The following AATF variants were observed in gnomAD, a reference collection of about 807,000 sequenced individuals.
AATF encodes protein AATF.
In AATF, 48 loss-of-function variants were observed where a neutral mutation model predicts 63.7. The ratio of observed to expected loss-of-function variants is 0.75; its 90% CI spans 0.60 to 0.96. The LOEUF is 0.96. Ranked by LOEUF, AATF falls within the 40% of genes least tolerant of loss-of-function variation. AATF has a pLI of 0.00. For synonymous variants in AATF, 258 were observed against 247.7 expected (o/e 1.04, Z -0.39); for missense variants, 639 against 685.7 (o/e 0.93, Z 0.76).
intron 8 of AATF, among the ~76,000 whole-genome samples, chr17:37,003,595 T>TAGCTGGAA (rs2071318963): frequency 6.7e-6 from 1 of 149,734 alleles, no homozygotes; most frequent in South Asian, 2.1e-4. Flanking sequence ...GCCTCCCAAG[T>TAGCTGGAA]AGCTGGAACT....
intron 4 of AATF, among the ~76,000 whole-genome samples, chr17:36,972,970 A>C (rs1260863790): frequency 1.3e-5 from 2 of 152,064 alleles, no homozygotes; most frequent in East Asian, 3.9e-4. Flanking sequence ...TTTGTTCCTG[A>C]TTTGCACATT....
intron 8 of AATF, among the ~76,000 whole-genome samples, chr17:37,013,398 AG>A (rs2071406112): frequency 6.6e-6 from 1 of 152,198 alleles, no homozygotes; most frequent in African/African-American, 2.4e-5. Flanking sequence ...GTAATTTTTG[AG>A]GAAGAAAGGT....
chr17:36,980,641 A>G (rs1293529756), intron 4 of AATF, among the ~76,000 whole-genome samples: 3 of 151,698 alleles, frequency 2.0e-5, no homozygotes, highest in South Asian at 4.2e-4. Flanking sequence ...AAATGTGTTT[A>G]TTTGTTTGTT....
chr17:37,001,617 A>G (rs1474130860), intron 8 of AATF, among the ~76,000 whole-genome samples: 1 of 152,214 alleles, frequency 6.6e-6, no homozygotes, highest in Non-Finnish European at 1.5e-5. Context: ...AGAGACAGCA[A>G]AAGCCTTTAA....
At chr17:36,949,366 C>A (rs767148880) in intron 1 of AATF, 150 bp downstream of exon 1, 50 of 716,754 alleles carry the variant, frequency 7.0e-5, no homozygotes, top group Non-Finnish European at 1.0e-4. Flanking sequence ...AGGGTGGTCC[C>A]GGCCTCGGGA....
rs2070844629 is a variant in AATF at position 36,950,350 on chromosome 17, C to T, written c.228C>T (p.Thr76=). 6.2e-7 allele frequency: 1 copy of T among 1,614,078 alleles called. No individual in the cohort carries two copies. Among genetic ancestry groups the T allele is most frequent in the Non-Finnish European group, 8.5e-7 (1 of 1,180,034 alleles). ...DTDKRYCGKT[T]SRKAWNEDHW... The stretch of plus-strand genomic sequence containing the variant: ...ACAAAAGGTATTGCGGCAAAACCAC[C>T]TCTAGAAAAGCATGGAATGAAGACC... Residue 76 remains threonine, a synonymous_variant, in exon 2 of 12, where the codon ACC becomes ACT. Coordinates refer to ENST00000619387, the MANE Select transcript of AATF (RefSeq NM_012138.4).
intron 11 of AATF, among the ~76,000 whole-genome samples, chr17:37,041,662 C>T (rs1028933088): frequency 2.6e-5 from 4 of 152,130 alleles, no homozygotes; most frequent in Admixed American, 1.3e-4. Context: ...TGTCCTATTA[C>T]ACCCGGCTAA....
Position 36,949,112 on chromosome 17 carries a change from G to A in AATF, c.-14G>A. On this transcript the variant is annotated 5_prime_UTR_variant, in exon 1 of 12. Coordinates refer to ENST00000619387, the MANE Select transcript of AATF (RefSeq NM_012138.4). Reference sequence around the variant, plus strand: ...TTACGTGCGCGAAGCGGAGTGGACCGGGAGCTGGTGACGATGGCGGGGCCG... The same window carrying A: ...TTACGTGCGCGAAGCGGAGTGGACCAGGAGCTGGTGACGATGGCGGGGCCG... 1 of 1,567,410 alleles carries A rather than the reference G, an allele frequency of 6.4e-7. No homozygotes were observed. Among genetic ancestry groups the A allele is most frequent in the Non-Finnish European group, 8.6e-7 (1 of 1,156,106 alleles).
intron 4 of AATF, among the ~76,000 whole-genome samples, chr17:36,959,424 C>G (rs1253020808): frequency 4.6e-5 from 7 of 152,214 alleles, no homozygotes; most frequent in Non-Finnish European, 7.3e-5. Context: ...GCCTGGGTGA[C>G]AGAGCGAGAG....
chr17:37,034,917 A>C (rs1371602901), intron 11 of AATF: 1 of 151,866 alleles, frequency 6.6e-6, no homozygotes, highest in Non-Finnish European at 1.5e-5. Flanking sequence ...CGAGGTCAGG[A>C]GATCAAGACC....
chr17:37,048,226 C>T (rs1472450222), intron 11 of AATF, among the ~76,000 whole-genome samples: 2 of 152,040 alleles, frequency 1.3e-5, no homozygotes, highest in African/African-American at 4.8e-5. Context: ...TGGCCGTATT[C>T]AGAAATCCTA....
At position 36,950,322 on chromosome 17, in the gene AATF, CG is replaced by C. The variant is rs2142197535; in HGVS notation, c.202del (p.Asp68ThrfsTer142). On this transcript the variant is annotated frameshift_variant, in exon 2 of 12. Transcript: ENST00000619387. LOFTEE classifies it high-confidence loss of function. The stretch of plus-strand genomic sequence containing the variant: ...CTGGCATCAGCCTCCCTCTTGGACA[CG>C]GACAAAAGGTATTGCGGCAAAACCA... Reference protein sequence around the residue: ...RKLASASLLDTDKRYCGKTTS... With the variant: ...RKLASASLLDXDKRYCGKTTS... 1 of 1,614,098 alleles carries C rather than the reference CG, an allele frequency of 6.2e-7. No individual in the cohort carries two copies. Among genetic ancestry groups the C allele is most frequent in the East Asian group, 2.2e-5 (1 of 44,880 alleles).
intron 4 of AATF, among the ~76,000 whole-genome samples, chr17:36,967,052 T>A (rs1295620729): frequency 6.6e-6 from 1 of 152,216 alleles, no homozygotes; most frequent in Non-Finnish European, 1.5e-5. Context: ...AGTTATTTTG[T>A]TATATCTTTT....
intron 11 of AATF, among the ~76,000 whole-genome samples, chr17:37,049,555 A>C (rs1399206490): frequency 1.3e-5 from 2 of 150,540 alleles, no homozygotes; most frequent in African/African-American, 2.5e-5. Flanking sequence ...CAGCAAGCCG[A>C]GATGGCGCCA....
intron 11 of AATF, among the ~76,000 whole-genome samples, chr17:37,035,599 T>A (rs2071585858): frequency 6.6e-6 from 1 of 150,928 alleles, no homozygotes; most frequent in East Asian, 2.0e-4. Flanking sequence ...AGTGCAGTGG[T>A]GCAATCTTGG....
At chr17:37,053,190 C>T (rs1324626252) in intron 11 of AATF, among the ~76,000 whole-genome samples, 1 of 151,996 alleles carries the variant, frequency 6.6e-6, no homozygotes, top group Non-Finnish European at 1.5e-5. Context: ...GATCCATGAA[C>T]AAATGGAGGG....
At chr17:36,964,536 G>T (rs1448889845) in intron 4 of AATF, among the ~76,000 whole-genome samples, 4 of 152,108 alleles carry the variant, frequency 2.6e-5, no homozygotes, top group Non-Finnish European at 4.4e-5. Flanking sequence ...CCAATAAACT[G>T]CATTTACAGT....
At chr17:36,958,079 G>A (rs1255753051) in intron 4 of AATF, among the ~76,000 whole-genome samples, 3 of 152,152 alleles carry the variant, frequency 2.0e-5, no homozygotes, top group Non-Finnish European at 4.4e-5. Context: ...TAAGTGGTAA[G>A]TCATGGAGTA....
intron 1 of AATF, 133 bp from the exon 2 acceptor site, chr17:36,950,081 A>T: frequency 1.0e-6 from 1 of 995,118 alleles, no homozygotes; most frequent in Non-Finnish European, 1.5e-6. Context: ...GAGAGAGTGA[A>T]TTTCCTATTC....
Sources: allele counts gnomAD v4.1 joint callset (sites outside exome capture counted in the v4.1 genomes callset), GRCh38; gene constraint gnomAD v4.1.1; transcripts MANE v1.5; gene names NCBI Gene and HGNC (gene_info 2026-07-23, HGNC 2026-07-21).